Variants in ZNF180 observed in about 807,000 individuals in gnomAD.
ZNF180 encodes zinc finger protein 180.
A neutral mutation model predicts 11.8 loss-of-function variants in ZNF180; 11 were observed. That is an observed-to-expected ratio of 0.93 (90% CI 0.59 to 1.55). The LOEUF (loss-of-function observed/expected upper bound fraction) is 1.55, where lower values mean the gene tolerates loss of function less well. Among genes scored for constraint, ZNF180 ranks in the 40% most tolerant of loss-of-function variants. The pLI, the probability that ZNF180 is intolerant of heterozygous loss-of-function variation, is 0.00. For missense variants in ZNF180, 773 were observed against 781.7 expected (o/e 0.99, Z 0.13); for synonymous variants, 287 against 257.7 (o/e 1.11, Z -1.09).
In ZNF180 at chr19:44,475,923, GCTAT is replaced by G. The variant is rs1347459965; in HGVS notation, c.*475_*478del. 1 of 153,450 alleles carries G rather than the reference GCTAT, an allele frequency of 6.5e-6. No homozygotes were observed. The highest frequency in any genetic ancestry group is 1.4e-5 in the Non-Finnish European group (1 of 68,984). The allele number at this position is 153,450 out of a possible 1,614,324, so 9.5% of individuals were successfully genotyped here. ...AAGTGCTGTAAGGAACAGATTACAA[GCTAT>G]CTAATTGGAAGATCATGTAGTAAAA... On this transcript the variant is annotated 3_prime_UTR_variant, in exon 5 of 5. Coordinates refer to ENST00000592529, the MANE Select transcript of ZNF180 (RefSeq NM_001278509.3).
chr19:44,476,533 C>A lies in ZNF180; in HGVS notation c.1867G>T (p.Val623Leu). The change falls in exon 5 of 5, where the codon GTG becomes TTG. Residue 623 changes from valine to leucine, a missense_variant. Transcript: ENST00000592529. ...KTFSLSARLI[V>L]HQRTHTGEKP... ...TCTCCAGTATGAGTTCTTTGATGCA[C>A]AATAAGTCGAGCACTCAAGCTAAAT... 1.2e-6 allele frequency: 2 copies of A among 1,614,054 alleles called. No individual in the cohort carries two copies. The highest frequency in any genetic ancestry group is 1.7e-6 in the Non-Finnish European group (2 of 1,179,978).
At chr19:44,494,256 A>T (rs4803718) in intron 2 of ZNF180, among the ~76,000 whole-genome samples, 46,454 of 152,020 alleles carry the variant, frequency 0.31, 7,887 homozygotes, top group African/African-American at 0.44. Context: ...CAAAAGTCAT[A>T]TAATGAACAG....
In ZNF180 at chr19:44,476,096, T is replaced by C. The variant is rs1457137375; in HGVS notation, c.*306A>G. 1.3e-5 allele frequency: 3 copies of C among 237,598 alleles called. No homozygotes were observed. The highest frequency in any genetic ancestry group is 2.4e-5 in the Non-Finnish European group (3 of 123,492). The allele number at this position is 237,598 out of a possible 1,614,324, so 14.7% of individuals were successfully genotyped here. ...AACACTGGCAGTTGGCTTTGGCATA[T>C]GATTTTCTCTGATTCAGGTCTGAGT... is the stretch of plus-strand genomic sequence containing the variant. On this transcript the variant is annotated 3_prime_UTR_variant, in exon 5 of 5. Coordinates refer to ENST00000592529, the MANE Select transcript of ZNF180 (RefSeq NM_001278509.3).
At chr19:44,482,038 G>A (rs1488284049) in intron 3 of ZNF180, among the ~76,000 whole-genome samples, 1 of 152,230 alleles carries the variant, frequency 6.6e-6, no homozygotes, top group Admixed American at 6.5e-5. Flanking sequence ...GGGTAGGGCG[G>A]CTCATGCCTA....
At chr19:44,498,710 C>G (rs942312968) in intron 1 of ZNF180, among the ~76,000 whole-genome samples, 2 of 152,202 alleles carry the variant, frequency 1.3e-5, no homozygotes, top group Non-Finnish European at 2.9e-5. Flanking sequence ...GCTGCTCCCC[C>G]CCACACACCT....
chr19:44,483,310 A>T (rs1970130747), intron 3 of ZNF180, among the ~76,000 whole-genome samples: 1 of 152,122 alleles, frequency 6.6e-6, no homozygotes, highest in Non-Finnish European at 1.5e-5. Flanking sequence ...ATTCTCTTTC[A>T]AGTATTCCCT....
At chr19:44,487,011 C>CCAGCCTGGGCAA (rs1970246906) in intron 2 of ZNF180, among the ~76,000 whole-genome samples, 1 of 151,840 alleles carries the variant, frequency 6.6e-6, no homozygotes, top group Admixed American at 6.6e-5. Context: ...CCACTTCACT[C>CCAGCCTGGGCAA]CAGCCTGGGC....
chr19:44,477,480 G>C lies in ZNF180; in HGVS notation c.920C>G (p.Thr307Ser), dbSNP rs1969945445. 6.2e-7 allele frequency: 1 copy of C among 1,613,916 alleles called. No individual in the cohort carries two copies. The highest frequency in any genetic ancestry group is 1.7e-5 in the Admixed American group (1 of 59,990). The change falls in exon 5 of 5, where the codon ACC (threonine) becomes AGC (serine). Residue 307 changes from threonine to serine, a missense_variant. Transcript: ENST00000592529. ...TTGAGTAAGGGAGGAACTATGAGAG[G>C]TTTCACTACATTTATATTGACTCTC... The part of the protein sequence containing the change: ...FEESQYKCSE[T>S]SHSSSLTQNM...
chr19:44,489,650 C>T (rs2123481079), intron 2 of ZNF180, among the ~76,000 whole-genome samples: 1 of 128,092 alleles, frequency 7.8e-6, no homozygotes, highest in South Asian at 3.0e-4. Context: ...CCTTTGTTCA[C>T]TTGTTTATCT....
intron 3 of ZNF180, among the ~76,000 whole-genome samples, chr19:44,482,389 C>T (rs1970105617): frequency 6.6e-6 from 1 of 152,180 alleles, no homozygotes; most frequent in Admixed American, 6.5e-5. Flanking sequence ...TTAATGGAGA[C>T]TTATACTTCC....
In ZNF180 at chr19:44,477,007, G is replaced by A. The variant is rs772829175; in HGVS notation, c.1393C>T (p.Pro465Ser). ...AHQRIHTGEK[P>S]YECNQCGKSF... The stretch of plus-strand genomic sequence containing the variant: ...TTCCCACACTGATTGCATTCATAGG[G>A]TTTTTCCCCAGTATGAATTCTTTGA... Residue 465 changes from proline to serine, a missense_variant, in exon 5 of 5, where the codon CCC (proline) becomes TCC (serine). Physicochemically the swap from Pro to Ser is moderately conservative, Grantham distance 74. Transcript: ENST00000592529. The A allele has an allele frequency of 1.9e-5, 31 of 1,613,976 alleles. No individual in the cohort carries two copies. The highest frequency in any genetic ancestry group is 2.6e-5 in the Non-Finnish European group (31 of 1,180,012).
chr19:44,494,382 C>G (rs1326438851), intron 2 of ZNF180, among the ~76,000 whole-genome samples: 1 of 152,182 alleles, frequency 6.6e-6, no homozygotes, highest in Non-Finnish European at 1.5e-5. Context: ...ACACATTCTA[C>G]CAGCCAGGCA....
chr19:44,478,502 A>T (rs1367987864), intron 4 of ZNF180, among the ~76,000 whole-genome samples: 2 of 152,262 alleles, frequency 1.3e-5, no homozygotes, highest in African/African-American at 4.8e-5. Context: ...TCCACTCTTT[A>T]GTGCTACACA....
In ZNF180 at chr19:44,477,383, C is replaced by T. The variant is rs759140957; in HGVS notation, c.1017G>A (p.Ser339=). The T allele has an allele frequency of 2.1e-5, 34 of 1,605,304 alleles. No homozygotes were observed. Among genetic ancestry groups the T allele is most frequent in the East Asian group, 1.1e-4 (5 of 44,408 alleles). The stretch of plus-strand genomic sequence containing the variant: ...GAGTTCTCTGATGTGCAACAAGATG[C>T]GAGCTCCAGCTGAAGGATTTCCCAC... ...NQCGKSFSWS[S]HLVAHQRTHT... The change falls in exon 5 of 5, where the codon TCG becomes TCA. Residue 339 remains serine (S), a synonymous_variant. Transcript: ENST00000592529.
Position 44,477,115 on chromosome 19 carries a change from G to A in ZNF180, c.1285C>T (p.Gln429Ter). The A allele has an allele frequency of 6.2e-7, 1 of 1,614,014 alleles. No homozygotes were observed. ...FRQSYKLIAH[Q>*]RTHTGEKPYE... is the part of the protein sequence containing the mutation. ...GGCTTCTCTCCGGTATGTGTTCTTT[G>A]ATGTGCAATAAGTTTATAGCTCTGC... The change falls in exon 5 of 5, where the codon CAA (glutamine) becomes TAA (stop). Residue 429 changes from glutamine to a stop codon, truncating the protein, a stop_gained. Transcript: ENST00000592529. LOFTEE classifies it low-confidence loss of function (END_TRUNC).
Position 44,497,280 on chromosome 19 carries a change from T to C in ZNF180, c.51+4A>G. 1 of 1,572,370 alleles carries C rather than the reference T, an allele frequency of 6.4e-7. No homozygotes were observed. The highest frequency in any genetic ancestry group is 1.2e-5 in the South Asian group (1 of 85,770). On this transcript the variant is annotated splice_donor_region_variant and intron_variant, in intron 2 of 4. Transcript: ENST00000592529. Reference sequence around the variant, plus strand: ...ACAGACCCAAGCTCTGGGTCTCCACTCACCTGTGCACAGACCTTCGGGGGC... The same window carrying C: ...ACAGACCCAAGCTCTGGGTCTCCACCCACCTGTGCACAGACCTTCGGGGGC...
chr19:44,478,330 T>A (rs188458576), intron 4 of ZNF180, among the ~76,000 whole-genome samples, 184 bp from the exon 5 acceptor site: 31 of 152,342 alleles, frequency 2.0e-4, no homozygotes, highest in African/African-American at 7.5e-4. Flanking sequence ...CAGCCCAATA[T>A]TACAACAGAG....
At position 44,484,454 on chromosome 19, in the gene ZNF180, T is replaced by A. The variant is rs370576354; in HGVS notation, c.52-19A>T. 1 of 1,593,096 alleles carries A rather than the reference T, an allele frequency of 6.3e-7. No individual in the cohort carries two copies. Among genetic ancestry groups the A allele is most frequent in the Admixed American group, 1.7e-5 (1 of 59,976 alleles). On this transcript the variant is annotated intron_variant, in intron 2 of 4. Transcript: ENST00000592529. ...AAGAATCCTGAAAAGGCAAAACAGA[T>A]GAGAAAAAGGAAAATAATCAGGGAG...
chr19:44,495,925 G>T lies in ZNF180; in HGVS notation c.51+1359C>A, dbSNP rs1970567464. On this transcript the variant is annotated intron_variant, in intron 2 of 4. Transcript: ENST00000592529. The surrounding 1 kb of genome is among the most constrained non-coding windows in gnomAD (Gnocchi z 4.5). ...TGCCCCACCTCACGGCTTCAAGGCTGACTTGTTCAGGAAGAGAAAGGAGAA... is the reference window on the plus strand; with the variant it reads ...TGCCCCACCTCACGGCTTCAAGGCTTACTTGTTCAGGAAGAGAAAGGAGAA... Among the ~76,000 whole-genome samples, 1 of 152,204 alleles carries T rather than the reference G, an allele frequency of 6.6e-6. No individual in the cohort carries two copies. The highest frequency in any genetic ancestry group is 2.4e-5 in the African/African-American group (1 of 41,450).
Sources: allele counts gnomAD v4.1 joint callset (sites outside exome capture counted in the v4.1 genomes callset), GRCh38; gene constraint gnomAD v4.1.1; non-coding constraint Gnocchi (gnomAD v3.1); transcripts MANE v1.5; gene names NCBI Gene and HGNC (gene_info 2026-07-23, HGNC 2026-07-21).